Variants in EBF2 observed in about 807,000 individuals in gnomAD.
EBF2 encodes the protein EBF transcription factor 2, also known as transcription factor COE2.
EBF2 carries 21 observed loss-of-function variants against 72.8 expected under a neutral mutation model. That is an observed-to-expected ratio of 0.29 (90% CI 0.20 to 0.42). The LOEUF (loss-of-function observed/expected upper bound fraction) is 0.42. Among genes scored for constraint, EBF2 ranks in the 10% least tolerant of loss-of-function variants. EBF2 has a pLI of 1.00. For missense variants in EBF2, 637 were observed against 731.2 expected, an observed-to-expected ratio of 0.87 and a Z score of 1.49; for synonymous variants, 299 against 274.2, an observed-to-expected ratio of 1.09 and a Z score of -0.89.
At chr8:26,005,968 C>T (rs1423157812) in intron 6 of EBF2, among the ~76,000 whole-genome samples, 2 of 152,096 alleles carry the variant, frequency 1.3e-5, no homozygotes, top group Admixed American at 1.3e-4. Context: ...TGCAGCATGT[C>T]TCCATTGGAA....
Position 25,848,048 on chromosome 8 carries a change from ACTTTTAT to A in EBF2, c.1696+2539_1696+2545del, listed in dbSNP as rs568825229. ...TTCTTTTAAAAAAAAACCTATAAAA[ACTTTTAT>A]CTTTTAGAGATGAGGTCTTGCTATG... On this transcript the variant is annotated intron_variant, in intron 15 of 15. Coordinates refer to ENST00000520164, the MANE Select transcript of EBF2 (RefSeq NM_022659.4). 3.2e-3 allele frequency among the ~76,000 whole-genome samples: 494 copies of A among 152,226 alleles called. 2 individuals carry two copies. Among genetic ancestry groups the A allele is most frequent in the African/African-American group, 0.01 (433 of 41,532 alleles).
intron 8 of EBF2, among the ~76,000 whole-genome samples, chr8:25,889,470 T>C (rs546445136): frequency 6.6e-6 from 1 of 152,260 alleles, no homozygotes; most frequent in African/African-American, 2.4e-5. Flanking sequence ...TAAGATGTCA[T>C]AGGCCTATGT....
At chr8:26,010,629 G>A (rs1804964216) in intron 6 of EBF2, among the ~76,000 whole-genome samples, 1 of 152,132 alleles carries the variant, frequency 6.6e-6, no homozygotes, top group African/African-American at 2.4e-5. Flanking sequence ...GCTGCAGCTT[G>A]AGAGCTGCCT....
chr8:25,993,107 C>T (rs1804571582), intron 6 of EBF2, among the ~76,000 whole-genome samples: 1 of 152,014 alleles, frequency 6.6e-6, no homozygotes, highest in South Asian at 2.1e-4. Context: ...AGTGGAAAAT[C>T]CACTCCCCTG....
chr8:26,032,947 G>C, intron 6 of EBF2, 138 bp downstream of exon 6: 1 of 719,518 alleles, frequency 1.4e-6, no homozygotes, highest in South Asian at 1.7e-5. Flanking sequence ...GCATGAGGAG[G>C]CCTTTGTTGG....
chr8:25,916,661 CATT>C (rs1803223038), intron 6 of EBF2, among the ~76,000 whole-genome samples: 1 of 152,052 alleles, frequency 6.6e-6, no homozygotes, highest in East Asian at 1.9e-4. Flanking sequence ...CCACACATGT[CATT>C]AATCCACTCT....
intron 15 of EBF2, among the ~76,000 whole-genome samples, chr8:25,847,358 A>AGGATTTTTTGTTT (rs1801860858): frequency 6.6e-6 from 1 of 152,176 alleles, no homozygotes; most frequent in South Asian, 2.1e-4. Context: ...CTGAGATCCC[A>AGGATTTTTTGTTT]GGATTTTTTG....
chr8:25,872,133 G>A (rs1241894739), intron 10 of EBF2, among the ~76,000 whole-genome samples: 1 of 152,166 alleles, frequency 6.6e-6, no homozygotes, highest in African/African-American at 2.4e-5. Flanking sequence ...GGGGACACTG[G>A]CTAACATGGA....
intron 6 of EBF2, among the ~76,000 whole-genome samples, chr8:25,936,915 C>G (rs956075374): frequency 2.6e-5 from 4 of 152,078 alleles, no homozygotes; most frequent in Non-Finnish European, 5.9e-5. Flanking sequence ...GCAACAGATA[C>G]CACACACAGT....
intron 8 of EBF2, among the ~76,000 whole-genome samples, chr8:25,888,913 G>C (rs1196662832): frequency 6.6e-6 from 1 of 152,072 alleles, no homozygotes; most frequent in African/African-American, 2.4e-5. Flanking sequence ...CTGAACTCTG[G>C]GATTTTCTTC....
At chr8:25,954,600 T>C (rs1262178934) in intron 6 of EBF2, among the ~76,000 whole-genome samples, 1 of 152,186 alleles carries the variant, frequency 6.6e-6, no homozygotes. Context: ...GGAAACGTCG[T>C]GTTGCACCAC....
chr8:25,941,004 G>A (rs1803660749), intron 6 of EBF2, among the ~76,000 whole-genome samples: 1 of 152,070 alleles, frequency 6.6e-6, no homozygotes, highest in Admixed American at 6.5e-5. Flanking sequence ...ATTTCACTCT[G>A]GCAAGATTTA....
intron 6 of EBF2, among the ~76,000 whole-genome samples, chr8:25,924,412 G>C (rs1194685496): frequency 1.3e-5 from 2 of 152,128 alleles, no homozygotes; most frequent in African/African-American, 4.8e-5. Flanking sequence ...CCACCCACAG[G>C]GTTCTGTTTA....
rs115792723 is a variant in EBF2 at position 25,913,895 on chromosome 8, A to G, written c.552-5340T>C. Among the ~76,000 whole-genome samples the G allele has an allele frequency of 7.7e-3, 1,174 of 152,356 alleles. 15 individuals carry two copies. The highest frequency in any genetic ancestry group is 0.023 in the African/African-American group (969 of 41,580). On this transcript the variant is annotated intron_variant, in intron 6 of 15. Transcript: ENST00000520164. ...TGTTTTTAGCCCAATAAATTAAAATACAATTGAGTTTCATTGTTTGTGCAT... is the reference window on the plus strand; with the variant it reads ...TGTTTTTAGCCCAATAAATTAAAATGCAATTGAGTTTCATTGTTTGTGCAT...
intron 15 of EBF2, among the ~76,000 whole-genome samples, chr8:25,849,967 G>A (rs537582273): frequency 2.6e-5 from 4 of 152,250 alleles, no homozygotes; most frequent in African/African-American, 7.2e-5. Flanking sequence ...TGGGGTGACT[G>A]GGCATTTTCT....
chr8:26,004,692 A>C (rs1392709368), intron 6 of EBF2, among the ~76,000 whole-genome samples: 2 of 151,286 alleles, frequency 1.3e-5, no homozygotes, highest in African/African-American at 2.4e-5. Context: ...AAAAAAAAAA[A>C]AAAAAAAGTA....
intron 11 of EBF2, 30 bp from the exon 12 acceptor site, chr8:25,861,404 C>T (rs370504680): frequency 3.7e-6 from 6 of 1,612,452 alleles, no homozygotes; most frequent in Non-Finnish European, 5.1e-6. Context: ...GGGATATTGT[C>T]AAAGGCAAAA....
intron 15 of EBF2, among the ~76,000 whole-genome samples, chr8:25,846,299 C>G (rs1012601714): frequency 6.6e-6 from 1 of 151,842 alleles, no homozygotes; most frequent in Admixed American, 6.6e-5. Context: ...AATATTATCT[C>G]AACAATCTAT....
intron 13 of EBF2, 138 bp downstream of exon 13, chr8:25,860,911 T>C (rs1341912469): frequency 1.1e-6 from 1 of 888,178 alleles, no homozygotes; most frequent in Admixed American, 2.3e-5. Flanking sequence ...AATCTTGAAA[T>C]AACCCAATCT....
Sources: gnomAD v4.1 joint callset for allele counts (sites outside exome capture counted in the v4.1 genomes callset) on GRCh38, gnomAD v4.1.1 for gene constraint, MANE v1.5 for transcripts, NCBI Gene and HGNC (gene_info 2026-07-23, HGNC 2026-07-21) for gene names.